Variants in TBCE observed in about 807,000 individuals in gnomAD.
TBCE encodes tubulin folding cofactor E.
In TBCE, 53 loss-of-function variants were observed where a neutral mutation model predicts 77.0. That is an observed-to-expected ratio of 0.69 (90% CI 0.55 to 0.87). The LOEUF (loss-of-function observed/expected upper bound fraction) is 0.87, where lower values mean the gene tolerates loss of function less well. Ranked by LOEUF, TBCE falls within the 40% of genes least tolerant of loss-of-function variation. The pLI, the probability that TBCE is intolerant of heterozygous loss-of-function variation, is 0.00. For missense variants in TBCE, 624 were observed against 622.4 expected, an observed-to-expected ratio of 1.00 and a Z score of -0.03; for synonymous variants, 235 against 241.3, an observed-to-expected ratio of 0.97 and a Z score of 0.24.
intron 2 of TBCE, among the ~76,000 whole-genome samples, chr1:235,394,331 C>T (rs1678593020): frequency 1.3e-5 from 2 of 151,980 alleles, no homozygotes; most frequent in African/African-American, 4.8e-5. Flanking sequence ...GCCTCGGCCT[C>T]CCAAAATGCT....
intron 4 of TBCE, chr1:235,418,711 A>G (rs1164447642): frequency 1.3e-5 from 2 of 153,488 alleles, no homozygotes; most frequent in African/African-American, 4.8e-5. Context: ...CTGGAGCTCC[A>G]TGTGTCACCG....
At chr1:235,405,886 AT>A (rs967193817) in intron 3 of TBCE, among the ~76,000 whole-genome samples, 2 of 151,982 alleles carry the variant, frequency 1.3e-5, no homozygotes, top group Non-Finnish European at 2.9e-5. Context: ...AGGAGATAGG[AT>A]TTTTTCAGCT....
intron 6 of TBCE, chr1:235,430,363 G>GT (rs1425917847): frequency 4.0e-6 from 1 of 247,804 alleles, no homozygotes; most frequent in Non-Finnish European, 7.9e-6. Context: ...ACGGGACTTT[G>GT]TTTTGCAGTA....
At chr1:235,375,353 C>T (rs1677231781) in intron 1 of TBCE, among the ~76,000 whole-genome samples, 1 of 152,120 alleles carries the variant, frequency 6.6e-6, no homozygotes, top group Non-Finnish European at 1.5e-5. Flanking sequence ...TTAGTCAGCA[C>T]CCAGATAGAC....
At chr1:235,409,407 C>A (rs1374373533) in intron 3 of TBCE, among the ~76,000 whole-genome samples, 1 of 152,100 alleles carries the variant, frequency 6.6e-6, no homozygotes, top group Non-Finnish European at 1.5e-5. Flanking sequence ...AATGTAGAAT[C>A]TCAGTGGAGT....
intron 2 of TBCE, among the ~76,000 whole-genome samples, chr1:235,387,490 A>G (rs1678088900): frequency 6.6e-6 from 1 of 152,198 alleles, no homozygotes; most frequent in Non-Finnish European, 1.5e-5. Context: ...TACCTAAGCA[A>G]GCCTGGGCAA....
chr1:235,440,432 G>A (rs1407844330), intron 13 of TBCE, among the ~76,000 whole-genome samples: 2 of 151,920 alleles, frequency 1.3e-5, no homozygotes, highest in East Asian at 3.9e-4. Context: ...CGCTCTTGTT[G>A]CCCAGACTGG....
intron 1 of TBCE, among the ~76,000 whole-genome samples, chr1:235,370,706 A>G (rs1676868975): frequency 6.6e-6 from 1 of 150,578 alleles, no homozygotes. Flanking sequence ...ACCATCTTCT[A>G]CACTTCATAT....
At chr1:235,421,460 T>A (rs6699053) in intron 5 of TBCE, among the ~76,000 whole-genome samples, 2 of 151,840 alleles carry the variant, frequency 1.3e-5, no homozygotes, top group Non-Finnish European at 2.9e-5. Flanking sequence ...GTAATCCCAG[T>A]ACTTTGGGAG....
chr1:235,389,968 CA>C (rs1210752192), intron 2 of TBCE, among the ~76,000 whole-genome samples: 1 of 151,176 alleles, frequency 6.6e-6, no homozygotes. Context: ...ACTAAAAATA[CA>C]AAAAAAATTA....
intron 2 of TBCE, among the ~76,000 whole-genome samples, chr1:235,386,785 T>G (rs1422636972): frequency 1.3e-5 from 2 of 152,230 alleles, no homozygotes; most frequent in Non-Finnish European, 2.9e-5. Flanking sequence ...GTCTGAAGCC[T>G]TCTTCTCTCA....
intron 7 of TBCE, chr1:235,433,347 A>C (rs1444752918): frequency 1.0e-5 from 3 of 286,180 alleles, no homozygotes; most frequent in African/African-American, 2.2e-5. Context: ...CAGCCTCCCA[A>C]GTAGCTGGGA....
chr1:235,436,940 G>A (rs1681488070), intron 11 of TBCE, among the ~76,000 whole-genome samples: 1 of 150,224 alleles, frequency 6.7e-6, no homozygotes, highest in Non-Finnish European at 1.5e-5. Flanking sequence ...CCAACATGGT[G>A]AAACCCCATC....
chr1:235,418,551 T>C (rs1295030647), intron 4 of TBCE: 1 of 152,234 alleles, frequency 6.6e-6, no homozygotes, highest in Non-Finnish European at 1.5e-5. Context: ...AGGAAGTACC[T>C]TAGGGAGGCT....
In TBCE at chr1:235,411,902, C is replaced by G. The variant is rs76325032; in HGVS notation, c.186-2531C>G. On this transcript the variant is annotated intron_variant, in intron 3 of 16. Coordinates refer to ENST00000642610, the MANE Select transcript of TBCE (RefSeq NM_003193.5). ...AAGGGTAGGCTGTGCTCACTTGCCT[C>G]CCAGTCTTTGGAACTCACCCTCGCT... is the stretch of plus-strand genomic sequence containing the variant. 5.3e-3 allele frequency among the ~76,000 whole-genome samples: 803 copies of G among 152,010 alleles called. 1 individual carries two copies. The highest frequency in any genetic ancestry group is 8.1e-3 in the Admixed American group (123 of 15,256).
At chr1:235,375,621 G>A (rs910532448) in intron 1 of TBCE, among the ~76,000 whole-genome samples, 1 of 152,062 alleles carries the variant, frequency 6.6e-6, no homozygotes, top group Admixed American at 6.6e-5. Context: ...AGAAGAAGAG[G>A]GTAAAGGCTT....
chr1:235,371,514 A>T (rs1008472088), intron 1 of TBCE, among the ~76,000 whole-genome samples: 2 of 147,536 alleles, frequency 1.4e-5, no homozygotes, highest in African/African-American at 2.5e-5. Flanking sequence ...AGCTGGGATT[A>T]TACGCGTGTG....
At chr1:235,412,119 CATCCCTTTCCCTT>C (rs1679816837) in intron 3 of TBCE, among the ~76,000 whole-genome samples, 1 of 126,734 alleles carries the variant, frequency 7.9e-6, no homozygotes, top group African/African-American at 3.2e-5. Context: ...TTTCCCTTCC[CATCCCTTTCCCTT>C]CTCCTCCCCT....
rs969453781 is a variant in TBCE, at chr1:235,428,675, C to T, written c.560+1436C>T. On this transcript the variant is annotated intron_variant, in intron 6 of 16. Transcript: ENST00000642610. ...TATTTATTTATTTGAGACAGTGTCT[C>T]GCCCTGTCGCCAGGCTGGAGTGCAG... is the stretch of plus-strand genomic sequence containing the variant. Among the ~76,000 whole-genome samples the T allele has an allele frequency of 1.2e-3, 167 of 137,360 alleles. 2 individuals are homozygous for T. Among genetic ancestry groups the T allele is most frequent in the African/African-American group, 4.2e-3 (152 of 36,254 alleles). 90.1% of individuals were successfully genotyped at this position (137,360 alleles called of 152,430 possible).
Sources: gnomAD v4.1 joint callset for allele counts (sites outside exome capture counted in the v4.1 genomes callset) on GRCh38, gnomAD v4.1.1 for gene constraint, MANE v1.5 for transcripts, NCBI Gene and HGNC (gene_info 2026-07-23, HGNC 2026-07-21) for gene names.